TEC: variants seen among roughly 807,000 people sequenced by gnomAD.
The protein encoded by TEC is tec protein tyrosine kinase.
In TEC, 72 loss-of-function variants were observed where a neutral mutation model predicts 93.0. That is an observed-to-expected ratio of 0.77 (90% CI 0.64 to 0.94). The LOEUF (loss-of-function observed/expected upper bound fraction) is 0.94. TEC is among the 40% of genes least tolerant of loss of function. The pLI is 0.00. For synonymous variants in TEC, 249 were observed against 247.7 expected (o/e 1.01, Z -0.05); for missense variants, 630 against 757.9 (o/e 0.83, Z 1.98).
At chr4:48,145,606 A>T (rs753230697) in intron 12 of TEC, 27 bp from the exon 13 acceptor site, 32 of 1,609,520 alleles carry the variant, frequency 2.0e-5, no homozygotes, top group Non-Finnish European at 1.6e-5. Flanking sequence ...GAAAGTGTTC[A>T]TATTTAAAAA....
chr4:48,159,799 A>G (rs534309208), intron 8 of TEC, among the ~76,000 whole-genome samples: 1 of 152,150 alleles, frequency 6.6e-6, no homozygotes, highest in Admixed American at 6.6e-5. Context: ...CCACCTCAGC[A>G]CCCAAAGTAT....
At chr4:48,144,889 G>A (rs1177882200) in intron 14 of TEC, among the ~76,000 whole-genome samples, 190 bp downstream of exon 14, 1 of 152,162 alleles carries the variant, frequency 6.6e-6, no homozygotes, top group African/African-American at 2.4e-5. Flanking sequence ...TATTAACTAA[G>A]TAAATCATTA....
intron 2 of TEC, among the ~76,000 whole-genome samples, chr4:48,201,245 C>T (rs1247325400): frequency 6.6e-6 from 1 of 152,142 alleles, no homozygotes; most frequent in Non-Finnish European, 1.5e-5. Flanking sequence ...GTACCAATTA[C>T]TGAACTAGAG....
intron 2 of TEC, among the ~76,000 whole-genome samples, chr4:48,214,352 T>C (rs1217748165): frequency 2.0e-5 from 3 of 152,134 alleles, no homozygotes; most frequent in East Asian, 3.9e-4. Flanking sequence ...CTTGAGTAAA[T>C]AGACAGGAGA....
intron 1 of TEC, among the ~76,000 whole-genome samples, chr4:48,266,318 A>G (rs1724636995): frequency 6.6e-6 from 1 of 152,212 alleles, no homozygotes; most frequent in Admixed American, 6.5e-5. Flanking sequence ...AATCTCCAGA[A>G]TGATGACAAA....
At chr4:48,154,443 C>T (rs936843773) in intron 9 of TEC, among the ~76,000 whole-genome samples, 5 of 151,902 alleles carry the variant, frequency 3.3e-5, no homozygotes, top group Non-Finnish European at 7.4e-5. Context: ...ATTAGTACTA[C>T]TAAGAATTAC....
rs1170243764 is a variant in TEC, at chr4:48,211,855, T to C, written c.138+16622A>G. ...GCTCATGCCTGTAATCCCAGCACTTTGGGAGGCCGAGGTAGGTGGATTGTC... is the reference window on the plus strand; with the variant it reads ...GCTCATGCCTGTAATCCCAGCACTTCGGGAGGCCGAGGTAGGTGGATTGTC... On this transcript the variant is annotated intron_variant, in intron 2 of 17. Coordinates refer to ENST00000381501, the MANE Select transcript of TEC (RefSeq NM_003215.3). 4.6e-5 allele frequency among the ~76,000 whole-genome samples: 7 copies of C among 152,178 alleles called. No homozygotes were observed. The East Asian group carries it at 1.3e-3, about 29-fold the overall frequency.
intron 1 of TEC, among the ~76,000 whole-genome samples, chr4:48,229,215 C>A (rs1404621028): frequency 6.6e-6 from 1 of 152,160 alleles, no homozygotes; most frequent in African/African-American, 2.4e-5. Flanking sequence ...TCTACACTAC[C>A]ATGCTCCAGA....
chr4:48,152,787 T>C (rs567390949), intron 9 of TEC, among the ~76,000 whole-genome samples: 2 of 152,136 alleles, frequency 1.3e-5, no homozygotes, highest in Non-Finnish European at 2.9e-5. Flanking sequence ...TGGTTATGTG[T>C]AGTTGTCAAG....
At position 48,171,512 on chromosome 4, in the gene TEC, C is replaced by A; in HGVS notation, c.244-63G>T. ...TTAGACACAGCACTTCTGTCTAGCA[C>A]AGAACCCTTGGTACTACAGACACCA... On this transcript the variant is annotated intron_variant, in intron 3 of 17. Coordinates refer to ENST00000381501, the MANE Select transcript of TEC (RefSeq NM_003215.3). 8.2e-6 allele frequency: 11 copies of A among 1,349,182 alleles called. No individual in the cohort carries two copies. In the East Asian group the frequency reaches 2.6e-4, roughly 31 times the overall value. 83.6% of individuals were successfully genotyped at this position (1,349,182 alleles called of 1,614,324 possible). A position where few individuals can be genotyped will look rare whatever the true frequency, so the allele number is the denominator to read the frequency against.
chr4:48,239,623 C>G (rs1176453348), intron 1 of TEC, among the ~76,000 whole-genome samples: 1 of 152,048 alleles, frequency 6.6e-6, no homozygotes, highest in Admixed American at 6.6e-5. Flanking sequence ...TCCTTGGCCA[C>G]AGTATTCTGT....
chr4:48,159,073 C>T (rs1051915224), intron 8 of TEC, among the ~76,000 whole-genome samples: 22 of 147,994 alleles, frequency 1.5e-4, no homozygotes, highest in Middle Eastern at 3.5e-3. Flanking sequence ...GATTATCTAT[C>T]TCCAGGCAAG....
chr4:48,210,149 T>G (rs375805210), intron 2 of TEC, among the ~76,000 whole-genome samples: 1 of 152,162 alleles, frequency 6.6e-6, no homozygotes, highest in East Asian at 1.9e-4. Context: ...AAAGCTTACT[T>G]TTCTTTAACT....
At chr4:48,159,315 C>T (rs1560381081) in intron 8 of TEC, among the ~76,000 whole-genome samples, 1 of 152,128 alleles carries the variant, frequency 6.6e-6, no homozygotes, top group Non-Finnish European at 1.5e-5. Flanking sequence ...CACTCACGTC[C>T]GAAGATGAAG....
At chr4:48,175,951 A>C in intron 3 of TEC, 131 bp downstream of exon 3, 1 of 667,134 alleles carries the variant, frequency 1.5e-6, no homozygotes, top group Non-Finnish European at 2.6e-6. Context: ...TTCATGAAGA[A>C]AAGTCACAAC....
chr4:48,147,980 C>T (rs1577698737), intron 11 of TEC, among the ~76,000 whole-genome samples: 1 of 152,086 alleles, frequency 6.6e-6, no homozygotes, highest in African/African-American at 2.4e-5. Context: ...GAAGCTTAGT[C>T]ACGGAAGACC....
At chr4:48,249,141 T>C (rs1231105050) in intron 1 of TEC, among the ~76,000 whole-genome samples, 1 of 152,162 alleles carries the variant, frequency 6.6e-6, no homozygotes, top group Non-Finnish European at 1.5e-5. Context: ...TAAAAGATAA[T>C]GAAAGATATT....
At position 48,264,179 on chromosome 4, in the gene TEC, C is replaced by A. The variant is rs184450491; in HGVS notation, c.-46+5573G>T. 1.5e-3 allele frequency among the ~76,000 whole-genome samples: 231 copies of A among 152,232 alleles called. 1 individual carries two copies. The highest frequency in any genetic ancestry group is 0.014 in the Admixed American group (217 of 15,282). ...AAGCCAAGAAATAATCTGATTTACA[C>A]CATGGAATCTCCAAAAGGTTAAATA... On this transcript the variant is annotated intron_variant, in intron 1 of 17. Coordinates refer to ENST00000381501, the MANE Select transcript of TEC (RefSeq NM_003215.3).
At chr4:48,182,945 C>G (rs536122677) in intron 2 of TEC, among the ~76,000 whole-genome samples, 4 of 152,194 alleles carry the variant, frequency 2.6e-5, no homozygotes, top group African/African-American at 9.7e-5. Flanking sequence ...AGAGTCCCCA[C>G]CACACACAGG....
Sources: gnomAD v4.1 joint callset for allele counts (sites outside exome capture counted in the v4.1 genomes callset) on GRCh38, gnomAD v4.1.1 for gene constraint, MANE v1.5 for transcripts, NCBI Gene and HGNC (gene_info 2026-07-23, HGNC 2026-07-21) for gene names.